The following AP5Z1 variants were observed in gnomAD, a reference collection of about 807,000 sequenced individuals.
AP5Z1 encodes the protein AP-5 complex subunit zeta-1.
AP5Z1 carries 106 observed loss-of-function variants against 83.0 expected under a neutral mutation model. The ratio of observed to expected loss-of-function variants is 1.28; its 90% CI spans 1.09 to 1.50. The LOEUF (loss-of-function observed/expected upper bound fraction) is 1.50. AP5Z1 is among the 40% of genes most tolerant of loss of function. AP5Z1 has a pLI of 0.00. For missense variants in AP5Z1, 1,565 were observed against 1,094.2 expected, an observed-to-expected ratio of 1.43 and a Z score of -6.07; for synonymous variants, 751 against 514.1, an observed-to-expected ratio of 1.46 and a Z score of -6.23.
intron 1 of AP5Z1, among the ~76,000 whole-genome samples, chr7:4,779,410 CATGAT>C (rs1422765051): frequency 6.2e-5 from 9 of 146,312 alleles, no homozygotes; most frequent in African/African-American, 2.0e-4. Context: ...TCATATATAA[CATGAT>C]AACATATATA....
At chr7:4,783,229 T>G (rs773465149) in intron 3 of AP5Z1, 87 bp from the exon 4 acceptor site, 252 of 1,474,026 alleles carry the variant, frequency 1.7e-4, no homozygotes, top group Non-Finnish European at 2.2e-4. Flanking sequence ...CCGACGCTTC[T>G]CAGGAGTGTC....
rs1421330335 is a variant in AP5Z1, at chr7:4,788,893, C to G, written c.1649C>G (p.Ala550Gly). The G allele has an allele frequency of 1.9e-6, 3 of 1,610,918 alleles. No individual in the cohort carries two copies. Among genetic ancestry groups the G allele is most frequent in the Non-Finnish European group, 2.5e-6 (3 of 1,179,368 alleles). The change falls in exon 13 of 17, where the codon GCC becomes GGC. Residue 550 changes from alanine (A) to glycine (G), a missense_variant. Coordinates refer to ENST00000649063, the MANE Select transcript of AP5Z1 (RefSeq NM_014855.3). ...LQPMAGCARV[A>G]QCAQAVPTLL... ...CCCATGGCCGGCTGTGCCCGCGTGG[C>G]CCAGTGTGCCCAGGCCGTGCCCACG...
At chr7:4,787,581 C>G in intron 10 of AP5Z1, 53 bp from the exon 11 acceptor site, 2 of 1,521,376 alleles carry the variant, frequency 1.3e-6, no homozygotes, top group East Asian at 2.5e-5. Context: ...CCTCCCTCTG[C>G]CGCCTGCTCC....
intron 1 of AP5Z1, among the ~76,000 whole-genome samples, chr7:4,779,995 G>A (rs950757532): frequency 6.6e-6 from 1 of 151,934 alleles, no homozygotes; most frequent in African/African-American, 2.4e-5. Context: ...TGCCCAGGAT[G>A]GTCTCAGACA....
chr7:4,784,992 G>A lies in AP5Z1; in HGVS notation c.875G>A (p.Arg292Gln), dbSNP rs374130083. ...GGCCGCCTGCTGCCGCCCCGGGAGC[G>A]GCTTCGGGAGGTGGCCTTCGAGTAC... ...SAGRLLPPRE[R>Q]LREVAFEYCQ... Residue 292 changes from arginine to glutamine, a missense_variant, in exon 7 of 17, where the codon CGG becomes CAG. Arg to Gln is a conservative substitution (Grantham distance 43, BLOSUM62 1). Coordinates refer to ENST00000649063, the MANE Select transcript of AP5Z1 (RefSeq NM_014855.3). 8.3e-5 allele frequency: 134 copies of A among 1,611,578 alleles called. No homozygotes were observed. Among genetic ancestry groups the A allele is most frequent in the Non-Finnish European group, 1.0e-4 (122 of 1,179,394 alleles).
rs936893732 is a variant in AP5Z1 at position 4,793,256 on chromosome 7, C to T, written c.*1871C>T. Reference sequence around the variant, plus strand: ...AAGGGCAAAGCTCACCAGCTCTCAACTTTTTTTTTAAATAAACTGAAATTT... The same window carrying T: ...AAGGGCAAAGCTCACCAGCTCTCAATTTTTTTTTTAAATAAACTGAAATTT... On this transcript the variant is annotated 3_prime_UTR_variant, in exon 17 of 17. Coordinates refer to ENST00000649063, the MANE Select transcript of AP5Z1 (RefSeq NM_014855.3). 2 of 151,904 alleles carry T rather than the reference C, an allele frequency of 1.3e-5. No homozygotes were observed. The highest frequency in any genetic ancestry group is 1.9e-4 in the East Asian group (1 of 5,198). The allele number at this position is 151,904 out of a possible 1,614,324, so 9.4% of individuals were successfully genotyped here.
chr7:4,781,469 C>T, intron 2 of AP5Z1, 99 bp from the exon 3 acceptor site: 1 of 1,536,222 alleles, frequency 6.5e-7, no homozygotes, highest in African/African-American at 1.4e-5. Context: ...ATGCTCTGTC[C>T]ACTGGCCCAA....
intron 12 of AP5Z1, 84 bp downstream of exon 12, chr7:4,788,378 T>A (rs555714747): frequency 7.0e-7 from 1 of 1,421,760 alleles, no homozygotes; most frequent in East Asian, 2.5e-5. Context: ...TGCTCAGCCC[T>A]AGGCTGAGGC....
At position 4,784,943 on chromosome 7, in the gene AP5Z1, G is replaced by C. The variant is rs1230692793; in HGVS notation, c.826G>C (p.Val276Leu). 2 of 1,611,930 alleles carry C rather than the reference G, an allele frequency of 1.2e-6. No homozygotes were observed. Among genetic ancestry groups the C allele is most frequent in the Non-Finnish European group, 1.7e-6 (2 of 1,179,480 alleles). Residue 276 changes from valine (V) to leucine (L), a missense_variant, in exon 7 of 17, where the codon GTG (valine) becomes CTG (leucine). By Grantham distance (32) the Val-to-Leu change is conservative. Transcript: ENST00000649063. The part of the protein sequence containing the change: ...RSEQEGSTLS[V>L]ISATSSAGRL... ...AGAGCAGGAGGGCTCCACTCTGTCG[G>C]TGATCTCCGCCACCTCCTCTGCCGG...
rs1034440470 is a variant in AP5Z1 at position 4,783,772 on chromosome 7, T to G, written c.595T>G (p.Phe199Val). The change falls in exon 5 of 17, where the codon TTC (phenylalanine) becomes GTC (valine). Residue 199 changes from phenylalanine to valine, a missense_variant. Coordinates refer to ENST00000649063, the MANE Select transcript of AP5Z1 (RefSeq NM_014855.3). The stretch of plus-strand genomic sequence containing the variant: ...GCAAGGGCTCCCACACTCCGGCGGC[T>G]TCTTCTCCACGCCCAGGGCCCGGCA... Reference protein sequence around the residue: ...LQQGLPHSGGFFSTPRARQPG... With the variant: ...LQQGLPHSGGVFSTPRARQPG... The G allele has an allele frequency of 2.0e-5, 31 of 1,549,794 alleles. No individual in the cohort carries two copies. Among genetic ancestry groups the G allele is most frequent in the Middle Eastern group, 1.7e-4 (1 of 5,992 alleles).
At chr7:4,775,904 A>C in intron 1 of AP5Z1, 148 bp downstream of exon 1, 2 of 1,217,346 alleles carry the variant, frequency 1.6e-6, no homozygotes, top group Non-Finnish European at 2.3e-6. Flanking sequence ...GGGTAAGGCA[A>C]CACGGCGGCC....
chr7:4,782,441 G>A (rs1781407127), intron 3 of AP5Z1, among the ~76,000 whole-genome samples: 1 of 152,210 alleles, frequency 6.6e-6, no homozygotes, highest in African/African-American at 2.4e-5. Context: ...CTCATGGGTT[G>A]CCCAGGGGTG....
At chr7:4,788,406 C>A in intron 12 of AP5Z1, 112 bp downstream of exon 12, 1 of 1,299,164 alleles carries the variant, frequency 7.7e-7, no homozygotes, top group Non-Finnish European at 1.0e-6. Flanking sequence ...CTTTGTGTCC[C>A]ACACAAGGCT....
chr7:4,780,191 C>T (rs1227342793), intron 1 of AP5Z1, among the ~76,000 whole-genome samples: 1 of 152,160 alleles, frequency 6.6e-6, no homozygotes, highest in East Asian at 1.9e-4. Context: ...AACAGGCTTC[C>T]ATTTGGGACT....
Position 4,791,112 on chromosome 7 carries a change from C to G in AP5Z1, c.2154-3C>G. ...AGCTGACGGAGGGACCTTCTTTCCC[C>G]AGGGCCTCTTTATTGCTGTCAAAGA... On this transcript the variant is annotated splice_polypyrimidine_tract_variant and splice_region_variant and intron_variant, in intron 16 of 16. Transcript: ENST00000649063. The G allele has an allele frequency of 6.3e-7, 1 of 1,582,490 alleles. No individual in the cohort carries two copies. The highest frequency in any genetic ancestry group is 1.7e-4 in the Middle Eastern group (1 of 5,948).
At chr7:4,790,925 TG>T (rs1352887806) in intron 16 of AP5Z1, 38 bp downstream of exon 16, 11 of 1,543,626 alleles carry the variant, frequency 7.1e-6, no homozygotes, top group Non-Finnish European at 9.6e-6. Flanking sequence ...TTCTGGCTCC[TG>T]GGGAAGAGAG....
Position 4,781,257 on chromosome 7 carries a change from C to G in AP5Z1, c.124C>G (p.Leu42Val). ...GGCGGAGGACTTGGGGCCGGACACC[C>G]TCGACTCCCTGCAGAGGCTCTTCCT... ...LQAEDLGPDT[L>V]DSLQRLFLII... is the part of the protein sequence containing the mutation. The change falls in exon 2 of 17, where the codon CTC (leucine) becomes GTC (valine). Residue 42 changes from leucine (L) to valine (V), a missense_variant. Leu to Val is a conservative substitution (Grantham distance 32). Coordinates refer to ENST00000649063, the MANE Select transcript of AP5Z1 (RefSeq NM_014855.3). The G allele has an allele frequency of 6.2e-7, 1 of 1,613,882 alleles. No individual in the cohort carries two copies.
Position 4,786,252 on chromosome 7 carries a change from G to C in AP5Z1, c.1135G>C (p.Glu379Gln). 1 of 1,601,760 alleles carries C rather than the reference G, an allele frequency of 6.2e-7. No individual in the cohort carries two copies. The highest frequency in any genetic ancestry group is 8.5e-7 in the Non-Finnish European group (1 of 1,172,592). Residue 379 changes from glutamate to glutamine, a missense_variant and splice_region_variant, in exon 10 of 17, where the codon GAA becomes CAA. Transcript: ENST00000649063. The part of the protein sequence containing the change: ...PLAHFFLSHG[E>Q]AAAVDSEAVY... ...CCTGGCGGGCCCTGGTCTTGCAGGG[G>C]AAGCGGCTGCAGTGGACTCGGAAGC...
chr7:4,779,478 ATATAT>A (rs1781322812), intron 1 of AP5Z1, among the ~76,000 whole-genome samples: 3 of 144,466 alleles, frequency 2.1e-5, no homozygotes, highest in Non-Finnish European at 4.5e-5. Context: ...TATTATATAT[ATATAT>A]TTTTTTTTGA....
Sources: gnomAD v4.1 joint callset for allele counts (sites outside exome capture counted in the v4.1 genomes callset) on GRCh38, gnomAD v4.1.1 for gene constraint, MANE v1.5 for transcripts, NCBI Gene and HGNC (gene_info 2026-07-23, HGNC 2026-07-21) for gene names.